ZNF704: variants seen among roughly 807,000 people sequenced by gnomAD.
ZNF704 encodes zinc finger protein 704, also known as glucocorticoid induced gene 1.
In ZNF704, 10 loss-of-function variants were observed where a neutral mutation model predicts 44.7. The observed-to-expected ratio is 0.22, with a 90% confidence interval of 0.14 to 0.38. The LOEUF is 0.38. ZNF704 is among the 10% of genes least tolerant of loss of function. The pLI is 1.00. For missense variants in ZNF704, 390 were observed against 545.5 expected (o/e 0.71, Z 2.84); for synonymous variants, 211 against 207.6 (o/e 1.02, Z -0.14).
chr8:80,641,700 C>G (rs1817746857), intron 8 of ZNF704, among the ~76,000 whole-genome samples: 1 of 152,058 alleles, frequency 6.6e-6, no homozygotes, highest in Non-Finnish European at 1.5e-5. Flanking sequence ...AACTCTGTCT[C>G]TACTTAAAAC....
At chr8:80,739,822 C>T (rs573757088) in intron 2 of ZNF704, among the ~76,000 whole-genome samples, 19 of 152,236 alleles carry the variant, frequency 1.2e-4, no homozygotes, top group African/African-American at 2.6e-4. Flanking sequence ...AGAAATAAGC[C>T]GCCCCCTCGT....
At chr8:80,749,763 A>G (rs1259826436) in intron 2 of ZNF704, 1 of 152,416 alleles carries the variant, frequency 6.6e-6, no homozygotes, top group Non-Finnish European at 1.5e-5. Context: ...CATTTAACAA[A>G]CACTCAATTA....
intron 1 of ZNF704, among the ~76,000 whole-genome samples, chr8:80,854,539 G>C (rs1808925708): frequency 6.6e-6 from 1 of 152,300 alleles, no homozygotes; most frequent in African/African-American, 2.4e-5. Context: ...GCAACATTAA[G>C]ATGGGATTTC....
chr8:80,758,728 T>C (rs1335702884), intron 2 of ZNF704, among the ~76,000 whole-genome samples: 1 of 152,200 alleles, frequency 6.6e-6, no homozygotes, highest in East Asian at 1.9e-4. Flanking sequence ...TTCTAAAGCA[T>C]ACACTTTTTT....
chr8:80,833,458 C>T (rs533339845), intron 1 of ZNF704, among the ~76,000 whole-genome samples: 16 of 152,266 alleles, frequency 1.1e-4, no homozygotes, highest in African/African-American at 3.8e-4. Flanking sequence ...GAACTCTACT[C>T]CTTATTTTAA....
At chr8:80,722,575 T>C (rs980011558) in intron 2 of ZNF704, among the ~76,000 whole-genome samples, 3 of 152,234 alleles carry the variant, frequency 2.0e-5, no homozygotes, top group African/African-American at 7.2e-5. Context: ...AAGTACATAA[T>C]CCTTTACATT....
chr8:80,698,316 A>T (rs753822064), intron 2 of ZNF704, among the ~76,000 whole-genome samples: 3 of 152,198 alleles, frequency 2.0e-5, no homozygotes, highest in Non-Finnish European at 4.4e-5. Flanking sequence ...TAACAGGAGA[A>T]CAGGGCTGAG....
At chr8:80,663,174 G>A (rs1818127725) in intron 6 of ZNF704, among the ~76,000 whole-genome samples, 1 of 152,066 alleles carries the variant, frequency 6.6e-6, no homozygotes. Flanking sequence ...GAAGACAGGA[G>A]TTCGAGACCA....
intron 2 of ZNF704, among the ~76,000 whole-genome samples, chr8:80,818,519 T>A (rs1048838185): frequency 6.6e-6 from 1 of 152,206 alleles, no homozygotes; most frequent in Non-Finnish European, 1.5e-5. Flanking sequence ...CAGCTCTGGA[T>A]TACTTATAAT....
chr8:80,757,657 G>A (rs941991891), intron 2 of ZNF704, among the ~76,000 whole-genome samples: 1 of 152,028 alleles, frequency 6.6e-6, no homozygotes, highest in East Asian at 1.9e-4. Flanking sequence ...ACAGCCCCCG[G>A]TCCTGCAAGC....
At chr8:80,787,248 T>C (rs1385811625) in intron 2 of ZNF704, among the ~76,000 whole-genome samples, 1 of 152,220 alleles carries the variant, frequency 6.6e-6, no homozygotes, top group Non-Finnish European at 1.5e-5. Context: ...TGCCAGATTT[T>C]TTCTCTTTAC....
chr8:80,693,827 G>C (rs145191343), intron 2 of ZNF704, among the ~76,000 whole-genome samples: 18 of 152,206 alleles, frequency 1.2e-4, no homozygotes, highest in African/African-American at 4.8e-5. Context: ...GAAATGGGAA[G>C]TCCCTGGGAG....
chr8:80,742,849 G>A (rs1212655988), intron 2 of ZNF704, among the ~76,000 whole-genome samples: 1 of 152,008 alleles, frequency 6.6e-6, no homozygotes, highest in African/African-American at 2.4e-5. Context: ...GGGTTTTCCT[G>A]TTGAGAGGAG....
chr8:80,682,622 T>C (rs925196440), intron 4 of ZNF704, among the ~76,000 whole-genome samples: 5 of 142,568 alleles, frequency 3.5e-5, no homozygotes, highest in African/African-American at 9.8e-5. Flanking sequence ...CACTGTGGCA[T>C]TGGCACGGTC....
intron 1 of ZNF704, among the ~76,000 whole-genome samples, chr8:80,822,262 C>A (rs1031018166): frequency 2.0e-5 from 3 of 147,372 alleles, no homozygotes; most frequent in Admixed American, 6.6e-5. Context: ...TAATGCTATC[C>A]CTTCCCCCCC....
At chr8:80,643,515 T>TC (rs1817777966) in intron 7 of ZNF704, among the ~76,000 whole-genome samples, 1 of 49,648 alleles carries the variant, frequency 2.0e-5, no homozygotes, top group African/African-American at 9.1e-5. Context: ...AGATCCTGTC[T>TC]CAAAAAAAAA....
At chr8:80,651,850 T>G (rs565525157) in intron 7 of ZNF704, among the ~76,000 whole-genome samples, 365 of 152,194 alleles carry the variant, frequency 2.4e-3, no homozygotes, top group Non-Finnish European at 3.9e-3. Flanking sequence ...CCACCCCAAA[T>G]CAACAGAATA....
At chr8:80,713,544 ATTTG>A (rs1215581435) in intron 2 of ZNF704, among the ~76,000 whole-genome samples, 2 of 152,202 alleles carry the variant, frequency 1.3e-5, no homozygotes, top group Non-Finnish European at 2.9e-5. Context: ...GTCATAAAAT[ATTTG>A]ATAAAATTCG....
chr8:80,660,481 A>C (rs1818083579), intron 6 of ZNF704, among the ~76,000 whole-genome samples: 2 of 152,084 alleles, frequency 1.3e-5, no homozygotes, highest in Admixed American at 6.5e-5. Context: ...AAAAAAAAAA[A>C]AAAAAACCTG....
Sources: allele counts gnomAD v4.1 joint callset (sites outside exome capture counted in the v4.1 genomes callset), GRCh38; gene constraint gnomAD v4.1.1; transcripts MANE v1.5; gene names NCBI Gene and HGNC (gene_info 2026-07-23, HGNC 2026-07-21).